FOXK2: variants seen among roughly 807,000 people sequenced by gnomAD.
FOXK2 encodes forkhead box protein K2.
Under a neutral mutation model 53.3 loss-of-function variants are expected in FOXK2, and 24 were observed. The observed-to-expected ratio is 0.45, with a 90% CI of 0.33 to 0.63. FOXK2 has a LOEUF of 0.63. Among genes scored for constraint, FOXK2 ranks in the 30% least tolerant of loss-of-function variants. The pLI, the probability that FOXK2 is intolerant of heterozygous loss-of-function variation, is 0.03. For missense variants in FOXK2, 952 were observed against 910.5 expected, an observed-to-expected ratio of 1.05 and a Z score of -0.59; for synonymous variants, 505 against 407.1, an observed-to-expected ratio of 1.24 and a Z score of -2.89.
intron 1 of FOXK2, among the ~76,000 whole-genome samples, chr17:82,545,353 T>G (rs2044614588): frequency 6.6e-6 from 1 of 152,204 alleles, no homozygotes; most frequent in Non-Finnish European, 1.5e-5. Context: ...ACAGAGTCCT[T>G]TGTAGGAGAC....
rs1225455761 is a variant in FOXK2 at position 82,602,656 on chromosome 17, T to G, written c.*1157T>G. On this transcript the variant is annotated 3_prime_UTR_variant, in exon 9 of 9. Transcript: ENST00000335255. Reference sequence around the variant, plus strand: ...CCTGTTTTGTGGTAGGAAATGTCCCTGACCTTTCAGAACCGAACCCAATCC... The same window carrying G: ...CCTGTTTTGTGGTAGGAAATGTCCCGGACCTTTCAGAACCGAACCCAATCC... 1 of 152,302 alleles carries G rather than the reference T, an allele frequency of 6.6e-6. No homozygotes were observed. Among genetic ancestry groups the G allele is most frequent in the Non-Finnish European group, 1.5e-5 (1 of 68,078 alleles). 9.4% of individuals were successfully genotyped at this position (152,302 alleles called of 1,614,324 possible). A position where few individuals can be genotyped will look rare whatever the true frequency, so the allele number is the denominator to read the frequency against.
In FOXK2 at chr17:82,540,980, C is replaced by T. The variant is rs575998091; in HGVS notation, c.419+20673C>T. On this transcript the variant is annotated intron_variant, in intron 1 of 8. Transcript: ENST00000335255. Reference sequence around the variant, plus strand: ...AGCTTGGAGTGTGATCTTTCTCAGACAGGGGTCCACAGTGGGTGTGTGTGG... The same window carrying T: ...AGCTTGGAGTGTGATCTTTCTCAGATAGGGGTCCACAGTGGGTGTGTGTGG... Among the ~76,000 whole-genome samples the T allele has an allele frequency of 2.6e-5, 4 of 152,248 alleles. No homozygotes were observed. The South Asian group carries it at 6.2e-4, about 24-fold the overall frequency.
chr17:82,581,692 G>A (rs916419770), intron 4 of FOXK2, among the ~76,000 whole-genome samples: 7 of 152,064 alleles, frequency 4.6e-5, no homozygotes, highest in Non-Finnish European at 1.0e-4. Flanking sequence ...TGCCAGGATG[G>A]TCTCGATCTC....
chr17:82,578,555 C>T lies in FOXK2; in HGVS notation c.910-4186C>T, dbSNP rs151296591. Reference sequence around the variant, plus strand: ...ATCAAATTACAACAGCCTTAAATTACCTTAGAAACATAGTTACTTTATTCT... The same window carrying T: ...ATCAAATTACAACAGCCTTAAATTATCTTAGAAACATAGTTACTTTATTCT... On this transcript the variant is annotated intron_variant, in intron 4 of 8. Transcript: ENST00000335255. 412 of 152,278 alleles carry T rather than the reference C, an allele frequency of 2.7e-3. 2 individuals are homozygous for T. Among genetic ancestry groups the T allele is most frequent in the African/African-American group, 9.3e-3 (385 of 41,562 alleles). The allele number at this position is 152,278 out of a possible 1,614,324, so 9.4% of individuals were successfully genotyped here. A position where few individuals can be genotyped will look rare whatever the true frequency, so the allele number is the denominator to read the frequency against.
chr17:82,547,324 A>G (rs1483749005), intron 1 of FOXK2, among the ~76,000 whole-genome samples: 2 of 152,162 alleles, frequency 1.3e-5, no homozygotes, highest in African/African-American at 4.8e-5. Context: ...CCTGGGCCAC[A>G]TTGGAAAAAG....
Position 82,584,442 on chromosome 17 carries a change from C to CA in FOXK2, c.1279+259dup, listed in dbSNP as rs2045106957. Reference sequence around the variant, plus strand: ...TTAACCTGTTTCTTAGTTTGTCATTCAAAAATCCATGAAACAGCCCCCGCA... The same window carrying CA: ...TTAACCTGTTTCTTAGTTTGTCATTCAAAAAATCCATGAAACAGCCCCCGCA... On this transcript the variant is annotated intron_variant, in intron 6 of 8. Transcript: ENST00000335255. 2.0e-5 allele frequency among the ~76,000 whole-genome samples: 3 copies of CA among 150,868 alleles called. No homozygotes were observed. In the South Asian group the frequency reaches 6.3e-4, roughly 32 times the overall value.
chr17:82,556,537 C>T (rs1599896335), intron 1 of FOXK2, among the ~76,000 whole-genome samples: 1 of 150,590 alleles, frequency 6.6e-6, no homozygotes, highest in East Asian at 2.0e-4. Flanking sequence ...TAGATGAAAA[C>T]ACAGAGCACC....
intron 1 of FOXK2, among the ~76,000 whole-genome samples, chr17:82,536,702 C>G (rs1011535890): frequency 6.6e-6 from 1 of 152,178 alleles, no homozygotes; most frequent in Non-Finnish European, 1.5e-5. Context: ...AGGAGGTCTT[C>G]GCAGAGGGGG....
At chr17:82,537,673 G>A (rs1252790223) in intron 1 of FOXK2, among the ~76,000 whole-genome samples, 2 of 145,478 alleles carry the variant, frequency 1.4e-5, no homozygotes, top group African/African-American at 5.1e-5. Context: ...ATGCCTGTTT[G>A]CCAACACTTT....
intron 1 of FOXK2, among the ~76,000 whole-genome samples, chr17:82,526,786 G>A (rs1273825793): frequency 6.6e-6 from 1 of 150,994 alleles, no homozygotes; most frequent in Non-Finnish European, 1.5e-5. Flanking sequence ...AGCCGAGATC[G>A]CGCCACTGCA....
At chr17:82,533,565 C>A (rs986641670) in intron 1 of FOXK2, among the ~76,000 whole-genome samples, 1 of 152,024 alleles carries the variant, frequency 6.6e-6, no homozygotes, top group African/African-American at 2.4e-5. Flanking sequence ...ACATATTGTA[C>A]GCGATCGTAT....
intron 1 of FOXK2, among the ~76,000 whole-genome samples, chr17:82,525,320 G>A (rs2044406595): frequency 6.6e-6 from 1 of 152,058 alleles, no homozygotes; most frequent in Non-Finnish European, 1.5e-5. Flanking sequence ...GGGACTACAG[G>A]TACGTGCCAC....
chr17:82,562,268 G>C (rs2044804141), intron 1 of FOXK2, among the ~76,000 whole-genome samples: 1 of 152,168 alleles, frequency 6.6e-6, no homozygotes, highest in Non-Finnish European at 1.5e-5. Flanking sequence ...CAGTGAAAAG[G>C]GTGATAGGAT....
At chr17:82,581,496 G>A (rs555926688) in intron 4 of FOXK2, among the ~76,000 whole-genome samples, 2 of 136,798 alleles carry the variant, frequency 1.5e-5, no homozygotes, top group Admixed American at 1.5e-4. Flanking sequence ...TTTTTTTTGA[G>A]ATGGAGTCTT....
At chr17:82,526,367 C>T (rs752480434) in intron 1 of FOXK2, among the ~76,000 whole-genome samples, 22 of 152,034 alleles carry the variant, frequency 1.4e-4, no homozygotes, top group African/African-American at 2.7e-4. Flanking sequence ...GGGCTGTTGT[C>T]TCCAGGATAA....
intron 8 of FOXK2, among the ~76,000 whole-genome samples, chr17:82,592,234 G>T (rs1043251349): frequency 4.6e-5 from 7 of 152,218 alleles, no homozygotes; most frequent in African/African-American, 1.7e-4. Context: ...GGGAGTTCGG[G>T]GCTGAGCTGT....
intron 1 of FOXK2, among the ~76,000 whole-genome samples, chr17:82,541,646 T>C (rs1435836997): frequency 1.1e-4 from 17 of 152,082 alleles, no homozygotes; most frequent in Admixed American, 1.1e-3. Context: ...AAATGAAAAC[T>C]GATAACTTTT....
intron 1 of FOXK2, among the ~76,000 whole-genome samples, chr17:82,558,488 T>C (rs1393544670): frequency 6.6e-6 from 1 of 152,188 alleles, no homozygotes; most frequent in Non-Finnish European, 1.5e-5. Context: ...GGGGGTGTGG[T>C]CCTGTTGTGT....
At chr17:82,541,773 C>T (rs938829631) in intron 1 of FOXK2, among the ~76,000 whole-genome samples, 2 of 151,770 alleles carry the variant, frequency 1.3e-5, no homozygotes, top group African/African-American at 2.4e-5. Context: ...TGCAGTGGTG[C>T]GATCATGGCT....
Sources: gnomAD v4.1 joint callset for allele counts (sites outside exome capture counted in the v4.1 genomes callset) on GRCh38, gnomAD v4.1.1 for gene constraint, MANE v1.5 for transcripts, NCBI Gene and HGNC (gene_info 2026-07-23, HGNC 2026-07-21) for gene names.